ZNF254: variants seen among roughly 807,000 people sequenced by gnomAD.
The protein encoded by ZNF254 is zinc finger protein 254.
ZNF254 carries 10 observed loss-of-function variants against 12.4 expected under a neutral mutation model. The ratio of observed to expected loss-of-function variants is 0.80; its 90% CI spans 0.50 to 1.36. The LOEUF is 1.36. Ranked by LOEUF, ZNF254 falls within the 40% of genes most tolerant of loss-of-function variation. The probability of loss-of-function intolerance (pLI) is 0.00; values close to 1 mark genes in which losing one functional copy is unlikely to be tolerated. For missense variants in ZNF254, 996 were observed against 763.9 expected (o/e 1.30, Z -3.58); for synonymous variants, 305 against 253.4 (o/e 1.20, Z -1.93).
intron 2 of ZNF254, chr19:24,064,031 A>G (rs1176194708): frequency 6.6e-6 from 1 of 152,224 alleles, no homozygotes; most frequent in Non-Finnish European, 1.5e-5. Context: ...TGGGGCAAGC[A>G]AAACAGTGGT....
chr19:24,114,083 A>C (rs1973881231), intron 3 of ZNF254, among the ~76,000 whole-genome samples: 2 of 151,720 alleles, frequency 1.3e-5, no homozygotes, highest in Admixed American at 1.3e-4. Flanking sequence ...AATCAATATC[A>C]TGAAAATGGC....
intron 1 of ZNF254, chr19:24,098,988 C>CTTTTTTTTTTTTTTT (rs927108646): frequency 1.3e-5 from 1 of 74,776 alleles, no homozygotes; most frequent in African/African-American, 6.5e-5. Flanking sequence ...AGGCTTCGCT[C>CTTTTTTTTTTTTTTT]TTTTTTTTTT....
At chr19:24,086,658 G>A (rs1333301784), upstream of ZNF254, among the ~76,000 whole-genome samples, 1 of 152,030 alleles carries the variant, frequency 6.6e-6, no homozygotes, top group Admixed American at 6.6e-5. Context: ...TGTATTTTTA[G>A]TAGAGATGAG....
intron 2 of ZNF254, among the ~76,000 whole-genome samples, chr19:24,056,954 G>C (rs1363077273): frequency 1.3e-5 from 2 of 148,250 alleles, no homozygotes; most frequent in Non-Finnish European, 3.0e-5. Context: ...ATCCACAGTG[G>C]AGATTGTGAC....
intron 2 of ZNF254, among the ~76,000 whole-genome samples, chr19:24,064,284 A>G (rs1971187572): frequency 6.6e-6 from 1 of 152,066 alleles, no homozygotes; most frequent in Non-Finnish European, 1.5e-5. Context: ...AGCCCTACCC[A>G]CAAAGGACAT....
intron 2 of ZNF254, among the ~76,000 whole-genome samples, chr19:24,054,942 C>T (rs1295068300): frequency 6.6e-6 from 1 of 151,960 alleles, no homozygotes; most frequent in African/African-American, 2.4e-5. Context: ...CAGTGGCTCA[C>T]GCCTGTAATC....
At chr19:24,099,026 T>C (rs992291856) in intron 1 of ZNF254, 6 of 132,446 alleles carry the variant, frequency 4.5e-5, no homozygotes, top group Admixed American at 4.0e-4. Flanking sequence ...TGAGACAGTC[T>C]TGCCCTGTCT....
At chr19:24,037,788 T>G (rs1970021923) in intron 1 of ZNF254, among the ~76,000 whole-genome samples, 1 of 152,162 alleles carries the variant, frequency 6.6e-6, no homozygotes, top group Admixed American at 6.6e-5. Context: ...TTTGTATTTT[T>G]CATAGAGATG....
At chr19:24,076,648 T>C (rs767114446) in intron 2 of ZNF254, among the ~76,000 whole-genome samples, 3 of 152,186 alleles carry the variant, frequency 2.0e-5, no homozygotes, top group Non-Finnish European at 2.9e-5. Context: ...AAAAATTTAT[T>C]TGAATTGCAG....
intron 2 of ZNF254, among the ~76,000 whole-genome samples, chr19:24,056,612 T>C (rs1011340779): frequency 6.6e-6 from 1 of 152,128 alleles, no homozygotes; most frequent in Non-Finnish European, 1.5e-5. Context: ...TTGTGACATA[T>C]CTTTAAGAGC....
At chr19:24,091,700 C>G (rs558725315) in intron 1 of ZNF254, among the ~76,000 whole-genome samples, 4 of 151,572 alleles carry the variant, frequency 2.6e-5, no homozygotes, top group African/African-American at 7.3e-5. Flanking sequence ...ACCATGTTGG[C>G]CAGGCTGGTC....
chr19:24,071,917 A>G (rs926649809), intron 2 of ZNF254, among the ~76,000 whole-genome samples: 1 of 152,204 alleles, frequency 6.6e-6, no homozygotes, highest in Non-Finnish European at 1.5e-5. Flanking sequence ...GGACTCAGCC[A>G]TATTTCAATA....
At position 24,087,401 on chromosome 19, in the gene ZNF254, G is replaced by T. The variant is rs1972091851; in HGVS notation, c.30+64G>T. 3.1e-6 allele frequency: 5 copies of T among 1,607,178 alleles called. No individual in the cohort carries two copies. The East Asian group carries it at 1.1e-4, about 36-fold the overall frequency. On this transcript the variant is annotated intron_variant, in intron 1 of 3. Coordinates refer to ENST00000357002, the MANE Select transcript of ZNF254 (RefSeq NM_203282.4). ...GGCTGGTTGGAACTGGTGGGAAGCG[G>T]CTGTGGCGGGACTCAGGCCTCCCCC...
At chr19:24,088,482 T>C (rs1972165688) in intron 1 of ZNF254, among the ~76,000 whole-genome samples, 1 of 151,956 alleles carries the variant, frequency 6.6e-6, no homozygotes, top group Admixed American at 6.6e-5. Flanking sequence ...GGGCCTCAAG[T>C]CCACCCCTCA....
At chr19:24,062,172 G>T (rs1338050035) in intron 2 of ZNF254, among the ~76,000 whole-genome samples, 2 of 151,918 alleles carry the variant, frequency 1.3e-5, no homozygotes, top group Admixed American at 1.3e-4. Context: ...CCACTCTCTT[G>T]TATATTGTGT....
chr19:24,120,133 A>T (rs1212128477), intron 3 of ZNF254, among the ~76,000 whole-genome samples: 1 of 152,132 alleles, frequency 6.6e-6, no homozygotes, highest in African/African-American at 2.4e-5. Flanking sequence ...ACATGGTGGC[A>T]GACAAAAGAA....
Position 24,113,680 on chromosome 19 carries a change from G to T in ZNF254, c.253+7037G>T, listed in dbSNP as rs538515422. Among the ~76,000 whole-genome samples, 9 of 152,252 alleles carry T rather than the reference G, an allele frequency of 5.9e-5. No individual in the cohort carries two copies. In the East Asian group the frequency reaches 1.4e-3, roughly 23 times the overall value. On this transcript the variant is annotated intron_variant, in intron 3 of 3. Transcript: ENST00000357002. ...ATTCAACATAGTGTTGGATGTTCTG[G>T]CCAGGGCAATTAGGCAGGAGAAGGA...
intron 1 of ZNF254, among the ~76,000 whole-genome samples, chr19:24,092,170 C>T (rs1256060589): frequency 6.7e-6 from 1 of 148,972 alleles, no homozygotes; most frequent in East Asian, 2.0e-4. Context: ...CTGTGCCTGG[C>T]CTTTTTTTTT....
At chr19:24,059,032 C>A (rs1267853777) in intron 2 of ZNF254, among the ~76,000 whole-genome samples, 1 of 152,190 alleles carries the variant, frequency 6.6e-6, no homozygotes, top group Non-Finnish European at 1.5e-5. Context: ...CTAGGTTCCA[C>A]CTGCAGCAAA....
Sources: gnomAD v4.1 joint callset for allele counts (sites outside exome capture counted in the v4.1 genomes callset) on GRCh38, gnomAD v4.1.1 for gene constraint, MANE v1.5 for transcripts, NCBI Gene and HGNC (gene_info 2026-07-23, HGNC 2026-07-21) for gene names.